The following LAMA2 variants were observed in gnomAD, a reference collection of about 807,000 sequenced individuals.
LAMA2 encodes laminin subunit alpha-2.
In LAMA2, 269 loss-of-function variants were observed where a neutral mutation model predicts 364.8. The ratio of observed to expected loss-of-function variants is 0.74; its 90% CI spans 0.67 to 0.82. The LOEUF is 0.82. LAMA2 is among the 40% of genes least tolerant of loss of function. The pLI, the probability that LAMA2 is intolerant of heterozygous loss-of-function variation, is 0.00. For missense variants in LAMA2, 3,807 were observed against 3,873.2 expected, an observed-to-expected ratio of 0.98 and a Z score of 0.45; for synonymous variants, 1,379 against 1,370.6, an observed-to-expected ratio of 1.01 and a Z score of -0.14.
chr6:129,366,092 G>C (rs1181819484), intron 32 of LAMA2, 127 bp from the exon 33 acceptor site: 3 of 964,306 alleles, frequency 3.1e-6, no homozygotes, highest in Non-Finnish European at 5.0e-6. Flanking sequence ...TTAATATTCT[G>C]AGATGAGTAG....
intron 1 of LAMA2, among the ~76,000 whole-genome samples, chr6:128,937,938 A>G (rs533199565): frequency 1.5e-4 from 22 of 151,614 alleles, no homozygotes; most frequent in Non-Finnish European, 2.5e-4. Flanking sequence ...CTCTCTTAGA[A>G]CGTCTTTTGC....
At chr6:128,929,007 T>C in intron 1 of LAMA2, 1 of 1,353,630 alleles carries the variant, frequency 7.4e-7, no homozygotes, top group Non-Finnish European at 1.1e-6. Context: ...AGGAGTTAGA[T>C]GAAGCCCATA....
At chr6:129,012,671 G>T (rs955007429) in intron 1 of LAMA2, among the ~76,000 whole-genome samples, 1 of 152,146 alleles carries the variant, frequency 6.6e-6, no homozygotes, top group Non-Finnish European at 1.5e-5. Flanking sequence ...GTTCTTCAAG[G>T]TGATAGTTCA....
At chr6:128,987,648 T>C (rs1479964226) in intron 1 of LAMA2, among the ~76,000 whole-genome samples, 1 of 152,138 alleles carries the variant, frequency 6.6e-6, no homozygotes, top group Non-Finnish European at 1.5e-5. Flanking sequence ...GTCTGGTAGT[T>C]GATTGGGGCA....
At chr6:129,309,923 G>T (rs1026482869) in intron 22 of LAMA2, among the ~76,000 whole-genome samples, 2 of 105,148 alleles carry the variant, frequency 1.9e-5, no homozygotes, top group East Asian at 1.1e-3. Flanking sequence ...TTTTTGAGAC[G>T]GAGTCTCGCT....
intron 12 of LAMA2, among the ~76,000 whole-genome samples, chr6:129,206,577 C>A (rs980134674): frequency 3.9e-5 from 6 of 152,176 alleles, no homozygotes; most frequent in Non-Finnish European, 8.8e-5. Flanking sequence ...CTTATCTTTT[C>A]AAGTATCTTC....
chr6:128,920,091 G>A (rs1388943545), intron 1 of LAMA2, among the ~76,000 whole-genome samples: 1 of 151,832 alleles, frequency 6.6e-6, no homozygotes, highest in East Asian at 1.9e-4. Flanking sequence ...TGCCCATAAT[G>A]TTGTCACTGC....
chr6:129,391,497 A>G lies in LAMA2; in HGVS notation c.5078A>G (p.Asn1693Ser), dbSNP rs1554286924. The stretch of plus-strand genomic sequence containing the variant: ...TTTGTTTTACCCCCTGCAGCTGTAA[A>G]TGAAAAAGCTATAAAACTAAATGAA... Reference protein sequence around the residue: ...KELARDAEAVNEKAIKLNETL... With the variant: ...KELARDAEAVSEKAIKLNETL... Residue 1693 changes from asparagine (N) to serine (S), a missense_variant, in exon 36 of 65, where the codon AAT becomes AGT. Physicochemically the swap from Asn to Ser is conservative, Grantham distance 46 (BLOSUM62 1). Coordinates refer to ENST00000421865, the MANE Select transcript of LAMA2 (RefSeq NM_000426.4). 1 of 1,613,672 alleles carries G rather than the reference A, an allele frequency of 6.2e-7. No homozygotes were observed. The highest frequency in any genetic ancestry group is 8.5e-7 in the Non-Finnish European group (1 of 1,179,736).
chr6:129,359,725 A>T (rs1235517387), intron 32 of LAMA2, among the ~76,000 whole-genome samples: 1 of 146,660 alleles, frequency 6.8e-6, no homozygotes, highest in Admixed American at 6.6e-5. Flanking sequence ...GAATTTATGT[A>T]TCGCTACCTA....
chr6:129,207,025 A>G (rs1782722054), intron 12 of LAMA2, among the ~76,000 whole-genome samples: 1 of 152,232 alleles, frequency 6.6e-6, no homozygotes, highest in South Asian at 2.1e-4. Context: ...CTGAGTACAC[A>G]CTTCAGCAGT....
chr6:129,457,237 A>G (rs1470208644), intron 48 of LAMA2, among the ~76,000 whole-genome samples: 1 of 152,088 alleles, frequency 6.6e-6, no homozygotes, highest in Non-Finnish European at 1.5e-5. Context: ...AGGTTATTTT[A>G]TTTACTTTGA....
At chr6:129,119,438 G>T (rs1776672340) in intron 4 of LAMA2, among the ~76,000 whole-genome samples, 1 of 151,978 alleles carries the variant, frequency 6.6e-6, no homozygotes, top group Admixed American at 6.6e-5. Context: ...TCTTGTACAA[G>T]TATGTTTATA....
chr6:128,908,781 A>C (rs1486501253), intron 1 of LAMA2, among the ~76,000 whole-genome samples: 1 of 149,568 alleles, frequency 6.7e-6, no homozygotes, highest in Non-Finnish European at 1.5e-5. Context: ...TTAGTGCTAT[A>C]AATTTCCCTC....
chr6:129,353,928 C>T (rs1449306475), intron 32 of LAMA2, among the ~76,000 whole-genome samples: 1 of 152,188 alleles, frequency 6.6e-6, no homozygotes, highest in South Asian at 2.1e-4. Context: ...CTTGCTGTCT[C>T]TCTTTTTTCT....
At chr6:129,409,103 C>A (rs1049800667) in intron 40 of LAMA2, among the ~76,000 whole-genome samples, 1 of 152,226 alleles carries the variant, frequency 6.6e-6, no homozygotes, top group Non-Finnish European at 1.5e-5. Context: ...CTGGCCATTT[C>A]TTCTTCCAAG....
chr6:128,931,423 G>C (rs1455784496), intron 1 of LAMA2, among the ~76,000 whole-genome samples: 1 of 152,142 alleles, frequency 6.6e-6, no homozygotes. Flanking sequence ...CTGAATGAAT[G>C]AATGAATGAA....
intron 29 of LAMA2, among the ~76,000 whole-genome samples, chr6:129,328,938 G>A (rs758653065): frequency 2.0e-5 from 3 of 152,160 alleles, no homozygotes; most frequent in Admixed American, 6.5e-5. Flanking sequence ...AAATCTTTAC[G>A]ATCTTTGTTT....
chr6:128,930,038 C>CAA, intron 1 of LAMA2: 1 of 424,168 alleles, frequency 2.4e-6, no homozygotes, highest in Admixed American at 4.1e-5. Flanking sequence ...GCACGGGGCG[C>CAA]CGTGGCGCCC....
rs192770104 is a variant in LAMA2 at position 128,998,020 on chromosome 6, A to T, written c.113-51898A>T. Reference sequence around the variant, plus strand: ...AGAAAGGACCCTGAGTTATTATAACAGAGTCCAAGAGTCAGAGAGCTGCAC... The same window carrying T: ...AGAAAGGACCCTGAGTTATTATAACTGAGTCCAAGAGTCAGAGAGCTGCAC... On this transcript the variant is annotated intron_variant, in intron 1 of 64. Transcript: ENST00000421865. 1.3e-3 allele frequency among the ~76,000 whole-genome samples: 198 copies of T among 152,264 alleles called. 1 individual carries two copies. The highest frequency in any genetic ancestry group is 2.4e-3 in the Non-Finnish European group (160 of 68,022).
Sources: allele counts gnomAD v4.1 joint callset (sites outside exome capture counted in the v4.1 genomes callset), GRCh38; gene constraint gnomAD v4.1.1; transcripts MANE v1.5; gene names NCBI Gene and HGNC (gene_info 2026-07-23, HGNC 2026-07-21).